Variants in KIF16B observed in about 807,000 individuals in gnomAD.
KIF16B encodes kinesin-like protein KIF16B.
Under a neutral mutation model 156.3 loss-of-function variants are expected in KIF16B, and 98 were observed. That is an observed-to-expected ratio of 0.63 (90% CI 0.53 to 0.74). KIF16B has a LOEUF of 0.74. KIF16B is among the 30% of genes least tolerant of loss of function. The pLI, the probability that KIF16B is intolerant of heterozygous loss-of-function variation, is 0.00. For synonymous variants in KIF16B, 564 were observed against 583.7 expected, an observed-to-expected ratio of 0.97 and a Z score of 0.49; for missense variants, 1,421 against 1,606.5, an observed-to-expected ratio of 0.88 and a Z score of 1.97.
chr20:16,555,944 G>A (rs1302148982), intron 1 of KIF16B, among the ~76,000 whole-genome samples: 1 of 152,170 alleles, frequency 6.6e-6, no homozygotes, highest in East Asian at 1.9e-4. Flanking sequence ...CAGAAAATCT[G>A]AAAACTATTT....
chr20:16,285,348 G>A (rs2122395358), intron 25 of KIF16B, among the ~76,000 whole-genome samples: 1 of 152,294 alleles, frequency 6.6e-6, no homozygotes, highest in Middle Eastern at 3.4e-3. Context: ...TGAGTTGAAA[G>A]GGAACTTTTC....
intron 10 of KIF16B, among the ~76,000 whole-genome samples, chr20:16,498,639 T>C (rs889964320): frequency 1.3e-5 from 2 of 152,112 alleles, no homozygotes; most frequent in African/African-American, 4.8e-5. Context: ...AATATTCCAT[T>C]GTATAGATTT....
chr20:16,532,750 A>G (rs1237278043), intron 1 of KIF16B, among the ~76,000 whole-genome samples: 1 of 152,182 alleles, frequency 6.6e-6, no homozygotes, highest in Admixed American at 6.5e-5. Context: ...TCTCAGGAAC[A>G]CAAAATTATC....
At chr20:16,449,585 G>A (rs1039106863) in intron 12 of KIF16B, among the ~76,000 whole-genome samples, 2 of 152,202 alleles carry the variant, frequency 1.3e-5, no homozygotes, top group Non-Finnish European at 2.9e-5. Context: ...AAGAATAGAG[G>A]TGGGAGATGG....
Position 16,400,854 on chromosome 20 carries a change from G to T in KIF16B, c.1784+3959C>A, listed in dbSNP as rs962263849. 2.6e-5 allele frequency among the ~76,000 whole-genome samples: 4 copies of T among 152,280 alleles called. No individual in the cohort carries two copies. In the East Asian group the frequency reaches 7.7e-4, roughly 29 times the overall value. On this transcript the variant is annotated intron_variant, in intron 17 of 25. Coordinates refer to ENST00000354981, the MANE Select transcript of KIF16B (RefSeq NM_024704.5). ...TTGTCAGGAGTTTGGGGGAAGGAGG[G>T]AATGGAAGTTATATTTAATGAGTAC...
intron 12 of KIF16B, among the ~76,000 whole-genome samples, chr20:16,459,961 A>G (rs1346297292): frequency 6.6e-6 from 1 of 152,168 alleles, no homozygotes; most frequent in African/African-American, 2.4e-5. Context: ...ACTCACAAAT[A>G]CCTAGTTTAA....
chr20:16,469,822 G>T (rs527280891), intron 12 of KIF16B, among the ~76,000 whole-genome samples: 1 of 152,124 alleles, frequency 6.6e-6, no homozygotes, highest in East Asian at 1.9e-4. Context: ...ATACTGCTTG[G>T]TATTTATGCA....
chr20:16,329,473 T>G (rs1568855640), intron 24 of KIF16B, among the ~76,000 whole-genome samples: 1 of 152,308 alleles, frequency 6.6e-6, no homozygotes, highest in East Asian at 1.9e-4. Flanking sequence ...GAAAAAGCAC[T>G]ACAGAAATTA....
intron 25 of KIF16B, among the ~76,000 whole-genome samples, chr20:16,287,529 A>C (rs924202451): frequency 2.0e-5 from 3 of 152,252 alleles, no homozygotes; most frequent in African/African-American, 7.2e-5. Flanking sequence ...TAAGCATATT[A>C]TACTGAATTA....
At chr20:16,486,705 A>G (rs6044011) in intron 12 of KIF16B, among the ~76,000 whole-genome samples, 67,764 of 151,734 alleles carry the variant, frequency 0.45, 16,475 homozygotes, top group African/African-American at 0.65. Context: ...TTATCGTCAC[A>G]TAGCCAAATG....
chr20:16,376,606 A>T (rs1261368435), intron 19 of KIF16B, among the ~76,000 whole-genome samples: 1 of 152,212 alleles, frequency 6.6e-6, no homozygotes, highest in Non-Finnish European at 1.5e-5. Context: ...GACTTAGCTA[A>T]GTCTATTTCA....
rs538538044 is a variant in KIF16B, at chr20:16,502,985, C to CG, written c.1176+1386dup. On this transcript the variant is annotated intron_variant, in intron 10 of 25. Transcript: ENST00000354981. ...ATCCCAACACTTTGGGAGGCCAAGG[C>CG]GGGCAGATCACTTGAGGTCAGGAGT... is the stretch of plus-strand genomic sequence containing the variant. Among the ~76,000 whole-genome samples the CG allele has an allele frequency of 3.5e-3, 531 of 152,304 alleles. 5 individuals are homozygous for CG. The highest frequency in any genetic ancestry group is 0.012 in the African/African-American group (485 of 41,568).
At chr20:16,573,150 T>C in intron 1 of KIF16B, 79 bp downstream of exon 1, 4 of 1,383,292 alleles carry the variant, frequency 2.9e-6, no homozygotes, top group Non-Finnish European at 4.0e-6. Context: ...AAGTCCAGGC[T>C]GGCTTTGGGG....
chr20:16,354,559 A>G (rs1411416710), intron 23 of KIF16B, among the ~76,000 whole-genome samples: 1 of 152,214 alleles, frequency 6.6e-6, no homozygotes, highest in African/African-American at 2.4e-5. Flanking sequence ...ACCAGGAGAT[A>G]GATATTAGGT....
At position 16,507,992 on chromosome 20, in the gene KIF16B, C is replaced by T; in HGVS notation, c.665G>A (p.Arg222Lys). 6.2e-7 allele frequency: 1 copy of T among 1,614,150 alleles called. No homozygotes were observed. Among genetic ancestry groups the T allele is most frequent in the Non-Finnish European group, 8.5e-7 (1 of 1,180,010 alleles). Residue 222 changes from arginine to lysine, a missense_variant, in exon 7 of 26, where the codon AGG (arginine) becomes AAG (lysine). Transcript: ENST00000354981. ...CTTGATGGTGAAGATGGCATGAGAC[C>T]TGCTACTGACGTCGTTCATCCCAGT... ...AATGMNDVSS[R>K]SHAIFTIKFT...
chr20:16,388,060 G>C (rs974420940), intron 17 of KIF16B, among the ~76,000 whole-genome samples: 1 of 152,068 alleles, frequency 6.6e-6, no homozygotes, highest in Non-Finnish European at 1.5e-5. Context: ...TAGAAACTTT[G>C]GTTGTTTTCT....
chr20:16,507,438 C>T (rs6135769), intron 7 of KIF16B, among the ~76,000 whole-genome samples: 1 of 151,960 alleles, frequency 6.6e-6, no homozygotes, highest in African/African-American at 2.4e-5. Context: ...AAATATTTAC[C>T]CTCAATAATT....
At chr20:16,284,972 C>T (rs1016541979) in intron 25 of KIF16B, among the ~76,000 whole-genome samples, 13 of 152,196 alleles carry the variant, frequency 8.5e-5, no homozygotes, top group Non-Finnish European at 1.5e-4. Context: ...CGAAGCATCC[C>T]AGAGCAGCAC....
At chr20:16,479,841 A>G (rs573024359) in intron 12 of KIF16B, among the ~76,000 whole-genome samples, 54 of 152,298 alleles carry the variant, frequency 3.5e-4, no homozygotes, top group Middle Eastern at 6.8e-3. Context: ...GCACAATGAG[A>G]AAGTTGCCTA....
Sources: allele counts gnomAD v4.1 joint callset (sites outside exome capture counted in the v4.1 genomes callset), GRCh38; gene constraint gnomAD v4.1.1; transcripts MANE v1.5; gene names NCBI Gene and HGNC (gene_info 2026-07-23, HGNC 2026-07-21).